Variants in KIAA1958 observed in about 807,000 individuals in gnomAD.
The protein encoded by KIAA1958 is uncharacterized protein KIAA1958.
In KIAA1958, 14 loss-of-function variants were observed where a neutral mutation model predicts 47.2. The observed-to-expected ratio is 0.30, with a 90% CI of 0.20 to 0.46. KIAA1958 has a LOEUF of 0.46. Ranked by LOEUF, KIAA1958 falls within the 20% of genes least tolerant of loss-of-function variation. The probability of loss-of-function intolerance (pLI) is 1.00; values close to 1 mark genes in which losing one functional copy is unlikely to be tolerated. For synonymous variants in KIAA1958, 354 were observed against 353.3 expected, an observed-to-expected ratio of 1.00 and a Z score of -0.02; for missense variants, 803 against 909.2, an observed-to-expected ratio of 0.88 and a Z score of 1.50.
At chr9:112,634,127 C>T (rs1836758219) in intron 2 of KIAA1958, among the ~76,000 whole-genome samples, 1 of 152,198 alleles carries the variant, frequency 6.6e-6, no homozygotes, top group Non-Finnish European at 1.5e-5. Context: ...CATATCTTCA[C>T]TATCACTTGA....
chr9:112,565,327 C>A (rs1835408710), intron 1 of KIAA1958, among the ~76,000 whole-genome samples: 1 of 152,172 alleles, frequency 6.6e-6, no homozygotes, highest in Non-Finnish European at 1.5e-5. Context: ...TGGTCTCAAA[C>A]CCCTGGGCTC....
intron 2 of KIAA1958, among the ~76,000 whole-genome samples, chr9:112,597,952 A>G (rs982051455): frequency 2.0e-5 from 3 of 152,216 alleles, no homozygotes; most frequent in Non-Finnish European, 2.9e-5. Flanking sequence ...CAGTGGGGAA[A>G]AAAAGGTTCC....
intron 2 of KIAA1958, among the ~76,000 whole-genome samples, chr9:112,619,831 T>C (rs1836469883): frequency 6.6e-6 from 1 of 152,196 alleles, no homozygotes; most frequent in Non-Finnish European, 1.5e-5. Context: ...AAAGTCTTAC[T>C]AAAAATCTAG....
At chr9:112,581,310 C>T (rs1390163521) in intron 2 of KIAA1958, among the ~76,000 whole-genome samples, 5 of 152,098 alleles carry the variant, frequency 3.3e-5, no homozygotes, top group Non-Finnish European at 7.4e-5. Context: ...TGGATAATAG[C>T]CGCCTTTATT....
Position 112,574,661 on chromosome 9 carries a change from G to A in KIAA1958, c.581G>A (p.Cys194Tyr), listed in dbSNP as rs750854095. 1.9e-6 allele frequency: 3 copies of A among 1,614,138 alleles called. No individual in the cohort carries two copies. The highest frequency in any genetic ancestry group is 1.7e-6 in the Non-Finnish European group (2 of 1,180,018). The change falls in exon 2 of 4, where the codon TGC becomes TAC. Residue 194 changes from cysteine to tyrosine, a missense_variant. Transcript: ENST00000337530. ...TCCCAGACGCAGATGGTTGACGAAT[G>A]CAGCAATGATGTCATCATCAAGAAA... ...SSSQTQMVDE[C>Y]SNDVIIKKIK...
chr9:112,494,649 G>A (rs906794720), intron 1 of KIAA1958, among the ~76,000 whole-genome samples: 1 of 151,756 alleles, frequency 6.6e-6, no homozygotes, highest in Non-Finnish European at 1.5e-5. Flanking sequence ...TGTGTTTTTT[G>A]TAGAGACAGG....
At chr9:112,535,704 G>T (rs572170884) in intron 1 of KIAA1958, among the ~76,000 whole-genome samples, 43 of 151,978 alleles carry the variant, frequency 2.8e-4, no homozygotes, top group African/African-American at 1.0e-3. Context: ...GTGTACAAGG[G>T]TTCTCTTTTT....
chr9:112,651,890 T>A (rs1363130955), intron 3 of KIAA1958, among the ~76,000 whole-genome samples: 1 of 152,102 alleles, frequency 6.6e-6, no homozygotes, highest in Admixed American at 6.6e-5. Flanking sequence ...AGAGAAAAAA[T>A]TTTTAGCTTT....
chr9:112,566,669 C>T (rs988065853), intron 1 of KIAA1958, among the ~76,000 whole-genome samples: 1 of 152,204 alleles, frequency 6.6e-6, no homozygotes, highest in Admixed American at 6.5e-5. Flanking sequence ...TATTTCAACT[C>T]CTTTTCTTTT....
chr9:112,541,952 AG>A (rs1291325552), intron 1 of KIAA1958, among the ~76,000 whole-genome samples: 1 of 152,228 alleles, frequency 6.6e-6, no homozygotes, highest in African/African-American at 2.4e-5. Context: ...CTCTTCTACA[AG>A]GAAGTATGCC....
intron 1 of KIAA1958, among the ~76,000 whole-genome samples, chr9:112,547,580 C>A (rs1475715981): frequency 8.1e-5 from 3 of 37,182 alleles, no homozygotes; most frequent in Non-Finnish European, 9.6e-5. Context: ...AAAATAGAGA[C>A]CTTAAGACTG....
intron 1 of KIAA1958, among the ~76,000 whole-genome samples, chr9:112,533,254 C>T (rs988975055): frequency 6.6e-6 from 1 of 151,772 alleles, no homozygotes; most frequent in Non-Finnish European, 1.5e-5. Flanking sequence ...AGGAGTACCT[C>T]GAACTGGGTA....
intron 2 of KIAA1958, among the ~76,000 whole-genome samples, chr9:112,602,027 CA>C (rs1836141687): frequency 1.3e-5 from 2 of 152,148 alleles, no homozygotes; most frequent in Middle Eastern, 3.2e-3. Context: ...TAATAGCTTA[CA>C]AATCAGGCTT....
In KIAA1958 at chr9:112,486,840, G is replaced by C. The variant is rs1334905857; in HGVS notation, c.-303G>C. 1 of 90,344 alleles carries C rather than the reference G, an allele frequency of 1.1e-5. No individual in the cohort carries two copies. The highest frequency in any genetic ancestry group is 4.2e-5 in the African/African-American group (1 of 23,982). 5.6% of individuals were successfully genotyped at this position (90,344 alleles called of 1,614,324 possible). A position where few individuals can be genotyped will look rare whatever the true frequency, so the allele number is the denominator to read the frequency against. On this transcript the variant is annotated 5_prime_UTR_variant, in exon 1 of 4. Coordinates refer to ENST00000337530, the MANE Select transcript of KIAA1958 (RefSeq NM_133465.4). ...CCCGCGCCCCGCCCCCTGCCCGCCC[G>C]CCGCGCTCCGAGCCGGGCGCGCGGA...
At chr9:112,639,733 T>G (rs1588050601) in intron 2 of KIAA1958, among the ~76,000 whole-genome samples, 1 of 152,192 alleles carries the variant, frequency 6.6e-6, no homozygotes, top group Non-Finnish European at 1.5e-5. Context: ...CACACCTCAA[T>G]GGGCAATTCT....
chr9:112,583,035 G>A (rs890716399), intron 2 of KIAA1958, among the ~76,000 whole-genome samples: 3 of 152,220 alleles, frequency 2.0e-5, no homozygotes, highest in African/African-American at 7.2e-5. Flanking sequence ...AGCTTGAGAA[G>A]CAGTGATCTA....
At chr9:112,627,995 A>G (rs868517649) in intron 2 of KIAA1958, among the ~76,000 whole-genome samples, 21 of 152,216 alleles carry the variant, frequency 1.4e-4, no homozygotes, top group African/African-American at 4.1e-4. Flanking sequence ...TCGTTTCAAC[A>G]TATTGACTCT....
intron 2 of KIAA1958, among the ~76,000 whole-genome samples, chr9:112,595,991 G>A (rs937797378): frequency 6.6e-6 from 1 of 151,976 alleles, no homozygotes; most frequent in African/African-American, 2.4e-5. Context: ...CTCCATGTTG[G>A]TCAGGCTGGT....
chr9:112,612,678 C>T (rs1836345991), intron 2 of KIAA1958, among the ~76,000 whole-genome samples: 1 of 152,106 alleles, frequency 6.6e-6, no homozygotes, highest in Non-Finnish European at 1.5e-5. Flanking sequence ...ATTGAAGCAG[C>T]ACTCTTATGT....
Sources: allele counts gnomAD v4.1 joint callset (sites outside exome capture counted in the v4.1 genomes callset), GRCh38; gene constraint gnomAD v4.1.1; transcripts MANE v1.5; gene names NCBI Gene and HGNC (gene_info 2026-07-23, HGNC 2026-07-21).